PPP2R2C: variants seen among roughly 807,000 people sequenced by gnomAD.
PPP2R2C encodes protein phosphatase 2, regulatory subunit B, gamma.
A neutral mutation model predicts 45.3 loss-of-function variants in PPP2R2C; 10 were observed. That is an observed-to-expected ratio of 0.22 (90% CI 0.14 to 0.37). The LOEUF (loss-of-function observed/expected upper bound fraction) is 0.37. Among genes scored for constraint, PPP2R2C ranks in the 10% least tolerant of loss-of-function variants. PPP2R2C has a pLI of 1.00. For synonymous variants in PPP2R2C, 257 were observed against 245.4 expected (o/e 1.05, Z -0.44); for missense variants, 308 against 619.7 (o/e 0.50, Z 5.34).
chr4:6,539,093 G>T (rs79403780), intron 1 of PPP2R2C, among the ~76,000 whole-genome samples: 379 of 152,022 alleles, frequency 2.5e-3, no homozygotes, highest in African/African-American at 8.5e-3. Context: ...CATTGAGATG[G>T]CGTCATTAAG....
intron 1 of PPP2R2C, among the ~76,000 whole-genome samples, chr4:6,554,204 T>G (rs73796259): frequency 0.019 from 2,936 of 152,262 alleles, 101 homozygotes; most frequent in African/African-American, 0.067. Context: ...GAGTAGGGTT[T>G]ACCCCCAATC....
chr4:6,487,391 G>C (rs1722561871), intron 2 of PPP2R2C, among the ~76,000 whole-genome samples: 1 of 151,598 alleles, frequency 6.6e-6, no homozygotes, highest in South Asian at 2.1e-4. Flanking sequence ...TTGTACTACA[G>C]GCCTGCTAGT....
chr4:6,350,643 G>T, intron 5 of PPP2R2C: 1 of 974,406 alleles, frequency 1.0e-6, no homozygotes, highest in Non-Finnish European at 1.2e-6. Flanking sequence ...CACCCAGGGG[G>T]TTCTCTGAAC....
At chr4:6,392,797 C>T (rs373433029) in intron 1 of PPP2R2C, among the ~76,000 whole-genome samples, 1 of 152,180 alleles carries the variant, frequency 6.6e-6, no homozygotes, top group Non-Finnish European at 1.5e-5. Context: ...CTAGCATGGA[C>T]GAGCACTTTC....
At chr4:6,473,901 C>G (rs1722042409), upstream of PPP2R2C, among the ~76,000 whole-genome samples, 1 of 152,210 alleles carries the variant, frequency 6.6e-6, no homozygotes, top group South Asian at 2.1e-4. Context: ...AGCAGCCCCA[C>G]CAGCACTCTG....
In PPP2R2C at chr4:6,563,331, C is replaced by A. The variant is rs1344704685; in HGVS notation, c.-59+229G>T. Among the ~76,000 whole-genome samples the A allele has an allele frequency of 6.6e-6, 1 of 152,208 alleles. No homozygotes were observed. The highest frequency in any genetic ancestry group is 1.5e-5 in the Non-Finnish European group (1 of 68,032). On this transcript the variant is annotated intron_variant, in intron 1 of 9. Coordinates refer to the PPP2R2C transcript ENST00000506140. This position sits in a 1 kb window ranked among gnomAD's most constrained non-coding sequence, Gnocchi z 5.8. The stretch of plus-strand genomic sequence containing the variant: ...TCCGGAGGGACCCCGGCACTTCGGA[C>A]CCTAGCAGAGCCAGCCCTGCCCCAG...
At chr4:6,501,536 G>C (rs1723055735) in intron 2 of PPP2R2C, among the ~76,000 whole-genome samples, 1 of 152,210 alleles carries the variant, frequency 6.6e-6, no homozygotes, top group East Asian at 1.9e-4. Flanking sequence ...GGCACTTAGA[G>C]GTTGATGCAC....
intron 1 of PPP2R2C, among the ~76,000 whole-genome samples, chr4:6,408,351 G>A (rs140252026): frequency 1.4e-4 from 21 of 152,190 alleles, no homozygotes; most frequent in African/African-American, 4.1e-4. Flanking sequence ...AACTACCCCC[G>A]GTACAGGTTC....
intron 2 of PPP2R2C, among the ~76,000 whole-genome samples, chr4:6,518,573 A>G (rs1445940653): frequency 6.6e-6 from 1 of 152,224 alleles, no homozygotes; most frequent in African/African-American, 2.4e-5. Flanking sequence ...CTTAAATGAT[A>G]CAATCTGCCA....
At chr4:6,411,698 G>A (rs561326763) in intron 1 of PPP2R2C, among the ~76,000 whole-genome samples, 14 of 152,054 alleles carry the variant, frequency 9.2e-5, no homozygotes, top group Admixed American at 2.0e-4. Flanking sequence ...GACTACAGGC[G>A]CCCGCCACCA....
chr4:6,511,727 TGGTGGAGGTGATGGTGGTGATGGC>T (rs1723539658), intron 2 of PPP2R2C, among the ~76,000 whole-genome samples: 1 of 8,882 alleles, frequency 1.1e-4, no homozygotes, highest in Non-Finnish European at 5.0e-4. Flanking sequence ...GTGGTGATGG[TGGTGGAGGTGATGGTGGTGATGGC>T]AATGGTGGTG....
In PPP2R2C at chr4:6,384,497, C is replaced by T. The variant is rs1028911439; in HGVS notation, c.71-3403G>A. ...ATGAAGTTACATCATTTTTTAATAG[C>T]TGTATTGAGGTACAATCAATATATA... On this transcript the variant is annotated intron_variant, in intron 1 of 8. Coordinates refer to ENST00000382599, the MANE Select transcript of PPP2R2C (RefSeq NM_020416.4). The T allele has an allele frequency of 1.3e-5, 13 of 975,610 alleles. No individual in the cohort carries two copies. In the East Asian group the frequency reaches 4.6e-4, roughly 34 times the overall value. 60.4% of individuals were successfully genotyped at this position (975,610 alleles called of 1,614,324 possible).
chr4:6,358,512 T>A (rs562385034), intron 5 of PPP2R2C, among the ~76,000 whole-genome samples: 1 of 119,790 alleles, frequency 8.3e-6, no homozygotes, highest in African/African-American at 3.1e-5. Context: ...AAAGAGCTTC[T>A]GCACAGCAAA....
At position 6,345,670 on chromosome 4, in the gene PPP2R2C, C is replaced by G. The variant is rs1052897439; in HGVS notation, c.790+2176G>C. 6.6e-6 allele frequency among the ~76,000 whole-genome samples: 1 copy of G among 152,118 alleles called. No individual in the cohort carries two copies. The highest frequency in any genetic ancestry group is 2.4e-5 in the African/African-American group (1 of 41,420). ...GAAAACGGTGCTCCCCAGAGCCTCCCGAAGGTACCAGCCCGTGGCACCTTC... is the reference window on the plus strand; with the variant it reads ...GAAAACGGTGCTCCCCAGAGCCTCCGGAAGGTACCAGCCCGTGGCACCTTC... On this transcript the variant is annotated intron_variant, in intron 6 of 8. Transcript: ENST00000382599. The surrounding 1 kb of genome is among the most constrained non-coding windows in gnomAD (Gnocchi z 5.3).
rs3796403 is a variant in PPP2R2C at position 6,323,359 on chromosome 4, G to A, written c.1287C>T (p.Ile429=). ...AWHPAENIIA[I]AATNNLYIFQ... Reference sequence around the variant, plus strand: ...AGATGTACAGGTTGTTGGTGGCGGCGATGGCAATGATGTTCTCAGCCGGGT... The same window carrying A: ...AGATGTACAGGTTGTTGGTGGCGGCAATGGCAATGATGTTCTCAGCCGGGT... The change falls in exon 9 of 9, where the codon ATC becomes ATT. Residue 429 remains isoleucine (I), a synonymous_variant. Coordinates refer to ENST00000382599, the MANE Select transcript of PPP2R2C (RefSeq NM_020416.4). 973,431 of 1,612,902 alleles carry A rather than the reference G, an allele frequency of 0.6. 299,243 individuals are homozygous for A. The highest frequency in any genetic ancestry group is 0.92 in the East Asian group (41,169 of 44,836).
At chr4:6,389,028 A>C (rs1577137516) in intron 1 of PPP2R2C, among the ~76,000 whole-genome samples, 1 of 151,938 alleles carries the variant, frequency 6.6e-6, no homozygotes, top group African/African-American at 2.4e-5. Context: ...TGGATCTTAC[A>C]GATGCCCCCT....
intron 1 of PPP2R2C, among the ~76,000 whole-genome samples, chr4:6,545,476 G>T (rs1205812737): frequency 6.6e-6 from 1 of 152,154 alleles, no homozygotes; most frequent in Non-Finnish European, 1.5e-5. Context: ...ATAAAGCCAG[G>T]CATGTTTCTT....
At chr4:6,359,345 T>A in intron 5 of PPP2R2C, among the ~76,000 whole-genome samples, 2 of 152,170 alleles carry the variant, frequency 1.3e-5, no homozygotes, top group South Asian at 4.2e-4. Flanking sequence ...GGACCTGTCA[T>A]GGAGTGGGGG....
intron 5 of PPP2R2C, chr4:6,349,590 C>T (rs1192085620): frequency 1.0e-6 from 1 of 985,230 alleles, no homozygotes; most frequent in African/African-American, 1.7e-5. Context: ...TTTGTAATCC[C>T]AGCACTTTGG....
Sources: allele counts gnomAD v4.1 joint callset (sites outside exome capture counted in the v4.1 genomes callset), GRCh38; gene constraint gnomAD v4.1.1; non-coding constraint Gnocchi (gnomAD v3.1); transcripts MANE v1.5; gene names NCBI Gene and HGNC (gene_info 2026-07-23, HGNC 2026-07-21).